The following PDE11A variants were observed in gnomAD, a reference collection of about 807,000 sequenced individuals.
PDE11A encodes the protein dual 3',5'-cyclic-AMP and -GMP phosphodiesterase 11A.
PDE11A carries 100 observed loss-of-function variants against 100.5 expected under a neutral mutation model. The ratio of observed to expected loss-of-function variants is 1.00; its 90% CI spans 0.85 to 1.18. The LOEUF (loss-of-function observed/expected upper bound fraction) is 1.18, where lower values mean the gene tolerates loss of function less well. Among genes scored for constraint, PDE11A ranks in the 50% most tolerant of loss-of-function variants. PDE11A has a pLI of 0.00. For missense variants in PDE11A, 1,141 were observed against 1,152.6 expected (o/e 0.99, Z 0.15); for synonymous variants, 381 against 420.8 (o/e 0.91, Z 1.16).
intron 10 of PDE11A, among the ~76,000 whole-genome samples, chr2:177,759,173 G>GTA (rs2082136489): frequency 6.8e-6 from 1 of 147,424 alleles, no homozygotes; most frequent in Non-Finnish European, 1.5e-5. Flanking sequence ...TGGAGCACGT[G>GTA]CACACACACA....
chr2:177,769,329 C>T lies in PDE11A; in HGVS notation c.1782G>A (p.Lys594=), dbSNP rs1574123088. Reference sequence around the variant, plus strand: ...AAACCATTTTCTTCCTTACCTTAAACTTGTCAACTTCAGCTTTTGAACATG... The same window carrying T: ...AAACCATTTTCTTCCTTACCTTAAATTTGTCAACTTCAGCTTTTGAACATG... The part of the protein sequence containing the change: ...HATCSKAEVD[K]FKAANIPLVS... The change falls in exon 10 of 20, where the codon AAG becomes AAA. Residue 594 remains lysine (K), a synonymous_variant. Transcript: ENST00000286063. 6.3e-7 allele frequency: 1 copy of T among 1,593,046 alleles called. No individual in the cohort carries two copies. Among genetic ancestry groups the T allele is most frequent in the Non-Finnish European group, 8.6e-7 (1 of 1,161,030 alleles).
Position 177,751,145 on chromosome 2 carries a change from T to C in PDE11A, c.1788+18178A>G, listed in dbSNP as rs1574105935. On this transcript the variant is annotated intron_variant, in intron 10 of 19. Transcript: ENST00000286063. ...GTGAGTAAGAAAAAAAAAAAAAAGCTCTCCAAAGCTCTGATGTGTCTGAGA... is the reference window on the plus strand; with the variant it reads ...GTGAGTAAGAAAAAAAAAAAAAAGCCCTCCAAAGCTCTGATGTGTCTGAGA... Among the ~76,000 whole-genome samples the C allele has an allele frequency of 1.4e-4, 21 of 145,682 alleles. No homozygotes were observed. The South Asian group carries it at 4.4e-3, about 30-fold the overall frequency.
intron 2 of PDE11A, among the ~76,000 whole-genome samples, chr2:177,907,634 C>T (rs2084810779): frequency 6.6e-6 from 1 of 152,178 alleles, no homozygotes; most frequent in Non-Finnish European, 1.5e-5. Context: ...GAGAGAGGCA[C>T]TGGCTGTATC....
chr2:177,889,411 G>A (rs1490619068), intron 4 of PDE11A, among the ~76,000 whole-genome samples: 2 of 152,040 alleles, frequency 1.3e-5, no homozygotes, highest in African/African-American at 4.8e-5. Context: ...GCCTGAAATG[G>A]TGTGTTCCTT....
At chr2:177,787,952 C>G (rs4464321) in intron 9 of PDE11A, among the ~76,000 whole-genome samples, 50,247 of 151,504 alleles carry the variant, frequency 0.33, 8,693 homozygotes, top group African/African-American at 0.39. Context: ...GACTTTAACA[C>G]CCCACTGTCA....
chr2:178,020,871 C>G (rs926472469), intron 1 of PDE11A, among the ~76,000 whole-genome samples: 1 of 149,582 alleles, frequency 6.7e-6, no homozygotes, highest in Non-Finnish European at 1.5e-5. Flanking sequence ...AAAATAAAAG[C>G]TAGGAAGAAA....
chr2:178,093,945 A>G (rs1401663789), intron 2 of PDE11A, among the ~76,000 whole-genome samples: 1 of 150,452 alleles, frequency 6.6e-6, no homozygotes, highest in African/African-American at 2.4e-5. Flanking sequence ...AAAGAGCCAA[A>G]TAACAGCCCC....
intron 9 of PDE11A, among the ~76,000 whole-genome samples, chr2:177,789,543 A>G (rs1196280990): frequency 6.6e-6 from 1 of 151,642 alleles, no homozygotes; most frequent in East Asian, 1.9e-4. Flanking sequence ...GGCCAGGACA[A>G]TTAGGCAGAA....
At chr2:177,744,982 G>A (rs1422606512) in intron 10 of PDE11A, among the ~76,000 whole-genome samples, 1 of 152,210 alleles carries the variant, frequency 6.6e-6, no homozygotes, top group African/African-American at 2.4e-5. Context: ...AATATAGTGA[G>A]AGCTAGAAAC....
intron 1 of PDE11A, among the ~76,000 whole-genome samples, chr2:178,020,898 T>C (rs1048118149): frequency 1.6e-4 from 25 of 151,560 alleles, no homozygotes; most frequent in African/African-American, 5.8e-4. Flanking sequence ...TTCTATTAAG[T>C]CTTTGTTTTT....
At chr2:177,681,262 T>C (rs2080858441) in intron 15 of PDE11A, among the ~76,000 whole-genome samples, 1 of 152,218 alleles carries the variant, frequency 6.6e-6, no homozygotes, top group Non-Finnish European at 1.5e-5. Flanking sequence ...GGGACAATTC[T>C]AGAATGTTCT....
At chr2:177,653,672 A>G (rs2080342068) in intron 19 of PDE11A, among the ~76,000 whole-genome samples, 1 of 152,222 alleles carries the variant, frequency 6.6e-6, no homozygotes. Flanking sequence ...AGAGGATGTC[A>G]AGAACTGCTA....
At chr2:178,067,986 C>A (rs1388904015) in intron 1 of PDE11A, among the ~76,000 whole-genome samples, 1 of 152,178 alleles carries the variant, frequency 6.6e-6, no homozygotes, top group Non-Finnish European at 1.5e-5. Context: ...CATCAAACAC[C>A]TGTATTATCA....
chr2:177,850,495 A>G (rs1431458065), intron 5 of PDE11A, among the ~76,000 whole-genome samples: 1 of 152,256 alleles, frequency 6.6e-6, no homozygotes, highest in Non-Finnish European at 1.5e-5. Flanking sequence ...CATGTCTAAA[A>G]CACCAAAAGC....
intron 10 of PDE11A, among the ~76,000 whole-genome samples, chr2:177,741,004 A>T (rs1559168550): frequency 6.6e-6 from 1 of 152,204 alleles, no homozygotes; most frequent in African/African-American, 2.4e-5. Flanking sequence ...CTGAGAAGGG[A>T]ACACAATGAT....
At chr2:177,930,738 A>G (rs1172017574) in intron 2 of PDE11A, among the ~76,000 whole-genome samples, 1 of 152,204 alleles carries the variant, frequency 6.6e-6, no homozygotes, top group Non-Finnish European at 1.5e-5. Context: ...AGAGACAGGC[A>G]TTGACTAACA....
intron 2 of PDE11A, among the ~76,000 whole-genome samples, chr2:177,964,494 G>T (rs940291301): frequency 6.6e-6 from 1 of 152,092 alleles, no homozygotes; most frequent in African/African-American, 2.4e-5. Flanking sequence ...CCCAGGTAAT[G>T]AGCATAGTGC....
intron 9 of PDE11A, among the ~76,000 whole-genome samples, chr2:177,812,285 C>G (rs1295138088): frequency 6.6e-6 from 1 of 151,954 alleles, no homozygotes; most frequent in East Asian, 1.9e-4. Flanking sequence ...GTAGCTTGCC[C>G]AAGGTCAATA....
intron 19 of PDE11A, among the ~76,000 whole-genome samples, chr2:177,637,730 C>G (rs1370748723): frequency 1.3e-5 from 2 of 150,758 alleles, no homozygotes; most frequent in Non-Finnish European, 2.9e-5. Context: ...CTCTGGGACT[C>G]TAATCATACA....
Sources: allele counts gnomAD v4.1 joint callset (sites outside exome capture counted in the v4.1 genomes callset), GRCh38; gene constraint gnomAD v4.1.1; transcripts MANE v1.5; gene names NCBI Gene and HGNC (gene_info 2026-07-23, HGNC 2026-07-21).